Variants in YEATS2 observed in about 807,000 individuals in gnomAD.
The protein encoded by YEATS2 is YEATS domain-containing protein 2.
YEATS2 carries 77 observed loss-of-function variants against 163.2 expected under a neutral mutation model. That is an observed-to-expected ratio of 0.47 (90% CI 0.39 to 0.57). The LOEUF is 0.57. YEATS2 is among the 20% of genes least tolerant of loss of function. YEATS2 has a pLI of 0.00. For missense variants in YEATS2, 1,549 were observed against 1,729.8 expected, an observed-to-expected ratio of 0.90 and a Z score of 1.85; for synonymous variants, 631 against 645.1, an observed-to-expected ratio of 0.98 and a Z score of 0.33.
chr3:183,725,353 A>G (rs1288616463), intron 6 of YEATS2, among the ~76,000 whole-genome samples: 2 of 152,130 alleles, frequency 1.3e-5, no homozygotes, highest in Non-Finnish European at 2.9e-5. Flanking sequence ...CTCAGCTCGA[A>G]TGTTCAAATC....
intron 23 of YEATS2, among the ~76,000 whole-genome samples, chr3:183,799,393 C>G (rs1286709067): frequency 6.6e-6 from 1 of 152,146 alleles, no homozygotes; most frequent in African/African-American, 2.4e-5. Context: ...GGATTATAAC[C>G]TGGACTTTAA....
chr3:183,722,154 T>G lies in YEATS2; in HGVS notation c.537+18T>G, dbSNP rs776110164. 3.7e-6 allele frequency: 6 copies of G among 1,605,628 alleles called. 1 individual carries two copies. The South Asian group carries it at 6.7e-5, about 18-fold the overall frequency. Reference sequence around the variant, plus strand: ...CTGGAAGGGTATATAGATGGGTGGATGTGGGAGGGAGCCACAGGAGAAGGG... The same window carrying G: ...CTGGAAGGGTATATAGATGGGTGGAGGTGGGAGGGAGCCACAGGAGAAGGG... On this transcript the variant is annotated intron_variant, in intron 5 of 30. Transcript: ENST00000305135.
At chr3:183,793,325 AAATT>A in intron 21 of YEATS2, 1 of 1,090,882 alleles carries the variant, frequency 9.2e-7, no homozygotes, top group Non-Finnish European at 1.1e-6. Flanking sequence ...AGAGAACAAA[AAATT>A]AAGGCTGATT....
At chr3:183,712,538 C>T (rs892352228) in intron 1 of YEATS2, among the ~76,000 whole-genome samples, 1 of 151,778 alleles carries the variant, frequency 6.6e-6, no homozygotes, top group African/African-American at 2.4e-5. Context: ...ATGTTGTTAC[C>T]TCAGTAATTC....
intron 21 of YEATS2, among the ~76,000 whole-genome samples, chr3:183,795,126 C>G (rs114148256): frequency 2.0e-5 from 3 of 148,554 alleles, no homozygotes; most frequent in Non-Finnish European, 4.4e-5. Flanking sequence ...CATGATTGCT[C>G]GCATCACTGC....
At chr3:183,754,751 G>T (rs1490101400) in intron 11 of YEATS2, among the ~76,000 whole-genome samples, 1 of 152,156 alleles carries the variant, frequency 6.6e-6, no homozygotes, top group Admixed American at 6.5e-5. Flanking sequence ...AAATTTTAAG[G>T]GTTAGAGTTG....
chr3:183,717,098 G>A (rs752089055), intron 2 of YEATS2, among the ~76,000 whole-genome samples: 2 of 152,036 alleles, frequency 1.3e-5, no homozygotes, highest in South Asian at 2.1e-4. Context: ...TCACCATGTT[G>A]TCCAGGCTGG....
chr3:183,777,793 T>A, intron 19 of YEATS2, 93 bp downstream of exon 19: 1 of 1,441,156 alleles, frequency 6.9e-7, no homozygotes, highest in Non-Finnish European at 9.3e-7. Flanking sequence ...ACAAAGAAAT[T>A]AAGGTTACAT....
intron 1 of YEATS2, among the ~76,000 whole-genome samples, chr3:183,698,894 A>C (rs1374220530): frequency 1.3e-5 from 2 of 152,190 alleles, no homozygotes; most frequent in Non-Finnish European, 1.5e-5. Context: ...CAGTTTTACG[A>C]TCTAGAGATA....
At chr3:183,721,629 A>G (rs1380794690) in intron 4 of YEATS2, among the ~76,000 whole-genome samples, 1 of 152,130 alleles carries the variant, frequency 6.6e-6, no homozygotes, top group African/African-American at 2.4e-5. Flanking sequence ...GTTAACATAT[A>G]TTATTTCTCA....
chr3:183,730,526 G>C (rs548822550), intron 7 of YEATS2, among the ~76,000 whole-genome samples: 4 of 152,224 alleles, frequency 2.6e-5, no homozygotes, highest in African/African-American at 9.6e-5. Context: ...TCAAGCGATG[G>C]TGGCTGTTTT....
intron 21 of YEATS2, among the ~76,000 whole-genome samples, chr3:183,797,294 G>A (rs1341303233): frequency 7.1e-6 from 1 of 141,606 alleles, no homozygotes; most frequent in African/African-American, 2.7e-5. Flanking sequence ...AAAAAGCCCA[G>A]TGCTTTGGGA....
At chr3:183,737,047 A>G (rs1303392782) in intron 8 of YEATS2, among the ~76,000 whole-genome samples, 3 of 152,194 alleles carry the variant, frequency 2.0e-5, no homozygotes, top group Non-Finnish European at 4.4e-5. Flanking sequence ...TCTTATATAT[A>G]TTATGGACTA....
chr3:183,755,677 A>C (rs1357522557), intron 11 of YEATS2, among the ~76,000 whole-genome samples: 1 of 147,752 alleles, frequency 6.8e-6, no homozygotes, highest in African/African-American at 2.5e-5. Context: ...ATATTTTCCT[A>C]TTCAAAACAA....
At chr3:183,709,761 T>G (rs1369417166) in intron 1 of YEATS2, among the ~76,000 whole-genome samples, 4 of 149,706 alleles carry the variant, frequency 2.7e-5, no homozygotes, top group Non-Finnish European at 5.9e-5. Flanking sequence ...CACTGCAAGC[T>G]CCACCTTCCG....
chr3:183,732,082 T>C (rs1717846209), intron 7 of YEATS2, among the ~76,000 whole-genome samples: 1 of 152,194 alleles, frequency 6.6e-6, no homozygotes, highest in Non-Finnish European at 1.5e-5. Flanking sequence ...AGTCTATTAC[T>C]GCACTTACTC....
At chr3:183,740,248 A>G (rs1044975927) in intron 8 of YEATS2, among the ~76,000 whole-genome samples, 1 of 152,168 alleles carries the variant, frequency 6.6e-6, no homozygotes, top group Middle Eastern at 3.4e-3. Flanking sequence ...AATGAACTCA[A>G]ATTTACAAGA....
intron 12 of YEATS2, among the ~76,000 whole-genome samples, chr3:183,757,578 C>T (rs1163540704): frequency 6.6e-6 from 1 of 152,168 alleles, no homozygotes; most frequent in East Asian, 1.9e-4. Context: ...CCACGCCTGG[C>T]CCCATTCAAC....
At chr3:183,723,635 T>A (rs1411293644) in intron 5 of YEATS2, among the ~76,000 whole-genome samples, 2 of 152,162 alleles carry the variant, frequency 1.3e-5, no homozygotes, top group African/African-American at 4.8e-5. Flanking sequence ...TTTAGGAGGC[T>A]GGGCGTGGTG....
Sources: allele counts gnomAD v4.1 joint callset (sites outside exome capture counted in the v4.1 genomes callset), GRCh38; gene constraint gnomAD v4.1.1; transcripts MANE v1.5; gene names NCBI Gene and HGNC (gene_info 2026-07-23, HGNC 2026-07-21).